The following MANBAL variants were observed in gnomAD, a reference collection of about 807,000 sequenced individuals.
The protein encoded by MANBAL is protein MANBAL.
A neutral mutation model predicts 6.4 loss-of-function variants in MANBAL; 1 was observed. The ratio of observed to expected loss-of-function variants is 0.16; its 90% CI spans 0.06 to 0.74. The LOEUF (loss-of-function observed/expected upper bound fraction) is 0.74, where lower values mean the gene tolerates loss of function less well. Among genes scored for constraint, MANBAL ranks in the 30% least tolerant of loss-of-function variants. The pLI is 0.78. For synonymous variants in MANBAL, 47 were observed against 45.8 expected, an observed-to-expected ratio of 1.03 and a Z score of -0.10; for missense variants, 100 against 107.8, an observed-to-expected ratio of 0.93 and a Z score of 0.32.
chr20:37,310,694 G>T (rs1199489177), intron 2 of MANBAL, among the ~76,000 whole-genome samples: 1 of 152,206 alleles, frequency 6.6e-6, no homozygotes, highest in African/African-American at 2.4e-5. Context: ...GGTAAGCGCT[G>T]CAGAGCTGCT....
chr20:37,313,769 GC>G (rs769618172), intron 2 of MANBAL, among the ~76,000 whole-genome samples: 40 of 152,302 alleles, frequency 2.6e-4, no homozygotes, highest in Non-Finnish European at 3.7e-4. Flanking sequence ...AGGAGGGGCT[GC>G]CCCCAGCTGG....
chr20:37,308,007 C>T (rs1252514516), intron 2 of MANBAL, among the ~76,000 whole-genome samples: 2 of 152,192 alleles, frequency 1.3e-5, no homozygotes, highest in African/African-American at 2.4e-5. Flanking sequence ...TCCTCACTGG[C>T]ATGCCCTCTG....
At chr20:37,298,531 A>G (rs556602517) in intron 1 of MANBAL, among the ~76,000 whole-genome samples, 1 of 152,174 alleles carries the variant, frequency 6.6e-6, no homozygotes, top group African/African-American at 2.4e-5. Flanking sequence ...ATATTTATTC[A>G]AAGCTCATAA....
At chr20:37,302,253 T>G in intron 2 of MANBAL, 1 of 1,550,662 alleles carries the variant, frequency 6.4e-7, no homozygotes, top group Non-Finnish European at 8.7e-7. Context: ...AACGTGTTTC[T>G]CTGTTCCCTG....
At chr20:37,313,285 G>A (rs1301383387) in intron 2 of MANBAL, among the ~76,000 whole-genome samples, 10 of 151,188 alleles carry the variant, frequency 6.6e-5, no homozygotes, top group Admixed American at 2.0e-4. Context: ...GCAGGAGAAT[G>A]GCATGAACCC....
intron 2 of MANBAL, among the ~76,000 whole-genome samples, chr20:37,308,469 C>T (rs1393093171): frequency 6.6e-6 from 1 of 152,106 alleles, no homozygotes; most frequent in Non-Finnish European, 1.5e-5. Context: ...TTCCAGCTGC[C>T]GTCCTTCAGA....
intron 2 of MANBAL, among the ~76,000 whole-genome samples, chr20:37,312,285 T>C (rs1278251358): frequency 1.3e-5 from 2 of 152,162 alleles, no homozygotes; most frequent in Non-Finnish European, 1.5e-5. Flanking sequence ...AGGTGACCCA[T>C]TGACAGATAG....
chr20:37,300,671 C>G (rs1472978281), intron 1 of MANBAL, among the ~76,000 whole-genome samples: 1 of 152,194 alleles, frequency 6.6e-6, no homozygotes, highest in Non-Finnish European at 1.5e-5. Context: ...TGTTGAAGTG[C>G]TTCCCTTTGC....
chr20:37,290,500 C>T (rs978090727), intron 1 of MANBAL, among the ~76,000 whole-genome samples: 3 of 151,772 alleles, frequency 2.0e-5, no homozygotes, highest in African/African-American at 7.3e-5. Context: ...TCTCTCTCGT[C>T]CACGCTGAAG....
chr20:37,290,071 C>G (rs1422264089), intron 1 of MANBAL, among the ~76,000 whole-genome samples: 1 of 152,218 alleles, frequency 6.6e-6, no homozygotes, highest in African/African-American at 2.4e-5. Context: ...AGTCACGGTT[C>G]CTCTCTGGCC....
intron 1 of MANBAL, among the ~76,000 whole-genome samples, chr20:37,295,584 C>T (rs1042724966): frequency 6.6e-6 from 1 of 152,212 alleles, no homozygotes; most frequent in Non-Finnish European, 1.5e-5. Flanking sequence ...GATTGACATA[C>T]TGGGTAAGCG....
intron 1 of MANBAL, chr20:37,297,159 A>G (rs1432106360): frequency 6.6e-6 from 1 of 152,150 alleles, no homozygotes; most frequent in African/African-American, 2.4e-5. Flanking sequence ...AGGCTGTTAC[A>G]TTTCTTCCAG....
intron 2 of MANBAL, among the ~76,000 whole-genome samples, chr20:37,309,391 C>T (rs1040311049): frequency 6.6e-5 from 10 of 152,300 alleles, no homozygotes; most frequent in African/African-American, 2.4e-4. Context: ...CTGGCCAGGC[C>T]ACATTTAGCT....
chr20:37,310,208 T>G (rs767757225), intron 2 of MANBAL, among the ~76,000 whole-genome samples: 1 of 152,252 alleles, frequency 6.6e-6, no homozygotes, highest in Non-Finnish European at 1.5e-5. Flanking sequence ...TTTGCCTTGT[T>G]GAGTCCACAT....
intron 2 of MANBAL, among the ~76,000 whole-genome samples, chr20:37,304,475 A>G (rs2069211881): frequency 6.6e-6 from 1 of 152,218 alleles, no homozygotes; most frequent in Admixed American, 6.5e-5. Flanking sequence ...TTTTGAAAAC[A>G]GTAACAAATG....
intron 1 of MANBAL, among the ~76,000 whole-genome samples, chr20:37,290,891 A>T (rs969166441): frequency 1.1e-4 from 16 of 152,216 alleles, no homozygotes; most frequent in African/African-American, 3.9e-4. Flanking sequence ...ATTACTGGCA[A>T]GAGCCACTGT....
chr20:37,301,854 G>C (rs1340913251), intron 2 of MANBAL, among the ~76,000 whole-genome samples: 1 of 152,242 alleles, frequency 6.6e-6, no homozygotes, highest in Non-Finnish European at 1.5e-5. Flanking sequence ...GCTTCTGCCA[G>C]GTGAAAGTGG....
rs80256831 is a variant in MANBAL at position 37,305,686 on chromosome 20, T to A, written c.150+4273T>A. Among the ~76,000 whole-genome samples the A allele has an allele frequency of 1.5e-3, 223 of 152,140 alleles. 2 individuals carry two copies. The East Asian group carries it at 0.03, about 21-fold the overall frequency. ...TGAAGCTTACTGTTTTAACTTTTTT[T>A]TTTTTTTTTTAGCTTTTCAATGGAT... On this transcript the variant is annotated intron_variant, in intron 2 of 2. Transcript: ENST00000373606.
At chr20:37,296,361 T>G (rs369915082) in intron 1 of MANBAL, among the ~76,000 whole-genome samples, 1 of 152,252 alleles carries the variant, frequency 6.6e-6, no homozygotes, top group African/African-American at 2.4e-5. Flanking sequence ...CTTATTCACC[T>G]TAACAGCAAC....
Sources: allele counts gnomAD v4.1 joint callset (sites outside exome capture counted in the v4.1 genomes callset), GRCh38; gene constraint gnomAD v4.1.1; transcripts MANE v1.5; gene names NCBI Gene and HGNC (gene_info 2026-07-23, HGNC 2026-07-21).